SPTBN5: variants seen among roughly 807,000 people sequenced by gnomAD.
SPTBN5 encodes the protein spectrin beta chain, non-erythrocytic 5.
Under a neutral mutation model 477.6 loss-of-function variants are expected in SPTBN5, and 513 were observed. The ratio of observed to expected loss-of-function variants is 1.07; its 90% CI spans 1.00 to 1.16. The LOEUF is 1.16. Ranked by LOEUF, SPTBN5 falls within the 50% of genes most tolerant of loss-of-function variation. The pLI is 0.00. For missense variants in SPTBN5, 5,062 were observed against 4,731.8 expected, an observed-to-expected ratio of 1.07 and a Z score of -2.05; for synonymous variants, 2,169 against 2,011.7, an observed-to-expected ratio of 1.08 and a Z score of -2.09.
At chr15:41,885,285 A>G (rs1002820612) in intron 7 of SPTBN5, among the ~76,000 whole-genome samples, 10 of 152,170 alleles carry the variant, frequency 6.6e-5, no homozygotes, top group South Asian at 2.1e-4. Context: ...CGGCCTCCCA[A>G]CGTGCTGGGA....
chr15:41,854,401 G>C (rs561306920), intron 56 of SPTBN5, among the ~76,000 whole-genome samples, 196 bp from the exon 57 acceptor site: 5 of 151,986 alleles, frequency 3.3e-5, no homozygotes, highest in Admixed American at 1.3e-4. Flanking sequence ...GGCAGGCCAG[G>C]GGGTGGGGAG....
intron 32 of SPTBN5, among the ~76,000 whole-genome samples, chr15:41,868,961 C>T (rs1424400491): frequency 6.6e-6 from 1 of 152,220 alleles, no homozygotes; most frequent in Non-Finnish European, 1.5e-5. Context: ...AGAAAGTTCA[C>T]CTGCTCTTCA....
At chr15:41,860,421 A>G (rs1471157301) in intron 47 of SPTBN5, among the ~76,000 whole-genome samples, 165 bp downstream of exon 47, 1 of 152,244 alleles carries the variant, frequency 6.6e-6, no homozygotes, top group African/African-American at 2.4e-5. Flanking sequence ...AGGCAGACAC[A>G]TTGCAGGGCC....
Position 41,890,090 on chromosome 15 carries a change from T to A in SPTBN5, c.500A>T (p.Lys167Met), listed in dbSNP as rs1217494293. The A allele has an allele frequency of 3.1e-6, 5 of 1,606,418 alleles. No homozygotes were observed. Among genetic ancestry groups the A allele is most frequent in the Non-Finnish European group, 4.3e-6 (5 of 1,175,286 alleles). Reference sequence around the variant, plus strand: ...TGGGTACTGGGGACTGAGCCATACCTTGTCCAAGGAGATGTGGGAGATCTG... The same window carrying A: ...TGGGTACTGGGGACTGAGCCATACCATGTCCAAGGAGATGTGGGAGATCTG... ...RFQISHISLD[K>M]EEFGASAALL... Residue 167 changes from lysine (K) to methionine (M), a missense_variant and splice_region_variant, in exon 4 of 68, where the codon AAG (lysine) becomes ATG (methionine). Coordinates refer to ENST00000320955, the MANE Select transcript of SPTBN5 (RefSeq NM_016642.4).
At chr15:41,876,057 T>C (rs1278838817) in intron 21 of SPTBN5, 57 bp downstream of exon 21, 5 of 1,558,298 alleles carry the variant, frequency 3.2e-6, no homozygotes, top group African/African-American at 1.3e-5. Flanking sequence ...GGTGGTGCAG[T>C]AGGGTTGGGA....
chr15:41,883,004 G>A lies in SPTBN5; in HGVS notation c.1884C>T (p.Val628=). Residue 628 remains valine (V), a synonymous_variant, in exon 9 of 68, where the codon GTC becomes GTT. Transcript: ENST00000320955. The stretch of plus-strand genomic sequence containing the variant: ...TTGGGGCAGGCTCTTACCGGGCCCT[G>A]ACAAGAGCCACCAGGCTCTGTTGGA... The part of the protein sequence containing the change: ...AQLQQSLVAL[V]RARRALLEQT... The A allele has an allele frequency of 6.5e-7, 1 of 1,542,334 alleles. No individual in the cohort carries two copies. Among genetic ancestry groups the A allele is most frequent in the South Asian group, 1.2e-5 (1 of 84,442 alleles).
intron 29 of SPTBN5, 28 bp from the exon 30 acceptor site, chr15:41,870,588 G>A (rs372833822): frequency 2.6e-4 from 410 of 1,579,380 alleles, no homozygotes; most frequent in East Asian, 5.6e-4. Flanking sequence ...AAGACCAGCC[G>A]GGGATCAGCT....
intron 4 of SPTBN5, among the ~76,000 whole-genome samples, chr15:41,889,219 C>T (rs1284181862): frequency 1.3e-5 from 2 of 152,184 alleles, no homozygotes; most frequent in East Asian, 3.9e-4. Context: ...CAAATAGATG[C>T]TCAGCCTGCA....
At position 41,848,279 on chromosome 15, in the gene SPTBN5, C is replaced by A; in HGVS notation, c.*337G>T. The A allele has an allele frequency of 2.0e-6, 1 of 510,642 alleles. No individual in the cohort carries two copies. The highest frequency in any genetic ancestry group is 3.6e-6 in the Non-Finnish European group (1 of 281,204). The allele number at this position is 510,642 out of a possible 1,614,324, so 31.6% of individuals were successfully genotyped here. A position where few individuals can be genotyped will look rare whatever the true frequency, so the allele number is the denominator to read the frequency against. Reference sequence around the variant, plus strand: ...CTCCGAAGAGCACATTCTCTGCACACGTCTGCGTCTACCTGTGCTCAGAGT... The same window carrying A: ...CTCCGAAGAGCACATTCTCTGCACAAGTCTGCGTCTACCTGTGCTCAGAGT... On this transcript the variant is annotated 3_prime_UTR_variant, in exon 68 of 68. Transcript: ENST00000320955.
chr15:41,881,918 C>A lies in SPTBN5; in HGVS notation c.2457+18G>T. 5.9e-6 allele frequency: 9 copies of A among 1,521,428 alleles called. No individual in the cohort carries two copies. The highest frequency in any genetic ancestry group is 7.9e-6 in the Non-Finnish European group (9 of 1,142,696). 94.2% of individuals were successfully genotyped at this position (1,521,428 alleles called of 1,614,324 possible). A position where few individuals can be genotyped will look rare whatever the true frequency, so the allele number is the denominator to read the frequency against. ...GGAGCAAGGGAGACCAGGCGCCCTTCCCTGTCCCCGTCCTCACCGTGAATA... is the reference window on the plus strand; with the variant it reads ...GGAGCAAGGGAGACCAGGCGCCCTTACCTGTCCCCGTCCTCACCGTGAATA... On this transcript the variant is annotated intron_variant, in intron 12 of 67. Coordinates refer to ENST00000320955, the MANE Select transcript of SPTBN5 (RefSeq NM_016642.4).
Position 41,852,638 on chromosome 15 carries a change from GT to G in SPTBN5, c.10444del (p.Thr3482GlnfsTer14), listed in dbSNP as rs1401444914. The G allele has an allele frequency of 6.2e-7, 1 of 1,613,388 alleles. No homozygotes were observed. The highest frequency in any genetic ancestry group is 1.3e-5 in the African/African-American group (1 of 74,944). ...QEEKFAQMQK[T>X]EMEQELLLQP... ...CCTAGCCGAGGCAGTCGTCACCTCT[GT>G]CTTTTGCATTTGGGCAAACTTCTCT... is the stretch of plus-strand genomic sequence containing the variant. On this transcript the variant is annotated frameshift_variant, in exon 61 of 68. Transcript: ENST00000320955. LOFTEE classifies it high-confidence loss of function.
In SPTBN5 at chr15:41,862,159, G is replaced by A. The variant is rs757228435; in HGVS notation, c.7519C>T (p.Arg2507Cys). The change falls in exon 44 of 68, where the codon CGT (arginine) becomes TGT (cysteine). Residue 2507 changes from arginine to cysteine, a missense_variant. By Grantham distance (180) the Arg-to-Cys change is radical. Coordinates refer to ENST00000320955, the MANE Select transcript of SPTBN5 (RefSeq NM_016642.4). ...PAPRSPVEAR[R>C]MLEEHQECKA... Reference sequence around the variant, plus strand: ...CACTCCTGATGCTCTTCTAACATACGCCGGGCTTCCACAGGGCTGCGAGGA... The same window carrying A: ...CACTCCTGATGCTCTTCTAACATACACCGGGCTTCCACAGGGCTGCGAGGA... 154 of 1,597,518 alleles carry A rather than the reference G, an allele frequency of 9.6e-5. 1 individual carries two copies. The highest frequency in any genetic ancestry group is 1.2e-4 in the African/African-American group (9 of 74,514).
Position 41,881,919 on chromosome 15 carries a change from C to T in SPTBN5, c.2457+17G>A. 2 of 1,522,100 alleles carry T rather than the reference C, an allele frequency of 1.3e-6. No homozygotes were observed. Among genetic ancestry groups the T allele is most frequent in the Non-Finnish European group, 1.7e-6 (2 of 1,143,120 alleles). 94.3% of individuals were successfully genotyped at this position (1,522,100 alleles called of 1,614,324 possible). A position where few individuals can be genotyped will look rare whatever the true frequency, so the allele number is the denominator to read the frequency against. ...GAGCAAGGGAGACCAGGCGCCCTTC[C>T]CTGTCCCCGTCCTCACCGTGAATAA... On this transcript the variant is annotated intron_variant, in intron 12 of 67. Transcript: ENST00000320955.
rs1448065659 is a variant in SPTBN5 at position 41,871,257 on chromosome 15, T to C, written c.5447+118A>G. The C allele has an allele frequency of 3.3e-6, 4 of 1,194,428 alleles. No individual in the cohort carries two copies. The African/African-American group carries it at 6.4e-5, about 19-fold the overall frequency. 74.0% of individuals were successfully genotyped at this position (1,194,428 alleles called of 1,614,324 possible). On this transcript the variant is annotated intron_variant, in intron 29 of 67. Transcript: ENST00000320955. ...GAGCTAGGCCCCCTGCAGAGCCCCG[T>C]GGGCAGCCAGGGCCAGTGTGGCCCT... is the stretch of plus-strand genomic sequence containing the variant.
At chr15:41,872,996 G>C (rs541029680) in intron 26 of SPTBN5, among the ~76,000 whole-genome samples, 2 of 152,214 alleles carry the variant, frequency 1.3e-5, no homozygotes, top group East Asian at 3.8e-4. Flanking sequence ...TTTGAAGCTT[G>C]TGTGGTTCTG....
Position 41,876,909 on chromosome 15 carries a change from G to A in SPTBN5, c.3751C>T (p.Arg1251Trp), listed in dbSNP as rs372410327. 2.9e-5 allele frequency: 47 copies of A among 1,610,016 alleles called. No individual in the cohort carries two copies. Among genetic ancestry groups the A allele is most frequent in the South Asian group, 7.7e-5 (7 of 90,828 alleles). ...REALSLLQQH[R>W]EFGRLLSTLG... Reference sequence around the variant, plus strand: ...GTGCTCAGGAGCCGCCCAAACTCCCGGTGCTGCTGCAGCAGGCTCAGGGCC... The same window carrying A: ...GTGCTCAGGAGCCGCCCAAACTCCCAGTGCTGCTGCAGCAGGCTCAGGGCC... The change falls in exon 19 of 68, where the codon CGG becomes TGG. Residue 1251 changes from arginine (R) to tryptophan (W), a missense_variant. Transcript: ENST00000320955.
intron 54 of SPTBN5, 34 bp from the exon 55 acceptor site, chr15:41,855,462 C>A (rs893456851): frequency 1.9e-6 from 3 of 1,594,380 alleles, no homozygotes; most frequent in Non-Finnish European, 2.6e-6. Flanking sequence ...GGACTGCAGC[C>A]CTGCCTTTCC....
rs1390489643 is a variant in SPTBN5, at chr15:41,883,172, C to T, written c.1716G>A (p.Leu572=). The T allele has an allele frequency of 1.9e-6, 3 of 1,612,796 alleles. No individual in the cohort carries two copies. In the South Asian group the frequency reaches 3.3e-5, roughly 18 times the overall value. Residue 572 remains leucine, a synonymous_variant, in exon 9 of 68, where the codon CTG becomes CTA. Transcript: ENST00000320955. ...GAGCCTCCAGCAGGTCATGCCTCTG[C>T]AGCAGCTCCACCACTTCTGCCAGCT... ...GQQLAEVVEL[L]QRHDLLEAQV...
At position 41,876,656 on chromosome 15, in the gene SPTBN5, C is replaced by CGGGGGG; in HGVS notation, c.3852-15_3852-10dup. ...GCAGCTGCTCTCTGACCCTGGAGGG[C>CGGGGGG]GGGGGGGGGTTGGAGGAGGGCATGG... On this transcript the variant is annotated splice_polypyrimidine_tract_variant and intron_variant, in intron 19 of 67. Transcript: ENST00000320955. The CGGGGGG allele has an allele frequency of 1.4e-6, 1 of 703,390 alleles. No homozygotes were observed. Among genetic ancestry groups the CGGGGGG allele is most frequent in the Non-Finnish European group, 2.2e-6 (1 of 455,612 alleles). The allele number at this position is 703,390 out of a possible 1,614,324, so 43.6% of individuals were successfully genotyped here.
Sources: gnomAD v4.1 joint callset for allele counts (sites outside exome capture counted in the v4.1 genomes callset) on GRCh38, gnomAD v4.1.1 for gene constraint, MANE v1.5 for transcripts, NCBI Gene and HGNC (gene_info 2026-07-23, HGNC 2026-07-21) for gene names.